The following INTS12 variants were observed in gnomAD, a reference collection of about 807,000 sequenced individuals.
INTS12 encodes the protein PHD finger protein 22.
Under a neutral mutation model 41.6 loss-of-function variants are expected in INTS12, and 13 were observed. The observed-to-expected ratio is 0.31, with a 90% CI of 0.20 to 0.50. The LOEUF (loss-of-function observed/expected upper bound fraction) is 0.50, where lower values mean the gene tolerates loss of function less well. Ranked by LOEUF, INTS12 falls within the 20% of genes least tolerant of loss-of-function variation. The probability of loss-of-function intolerance (pLI) is 0.98; values close to 1 mark genes in which losing one functional copy is unlikely to be tolerated. For synonymous variants in INTS12, 199 were observed against 191.4 expected, an observed-to-expected ratio of 1.04 and a Z score of -0.33; for missense variants, 432 against 541.6, an observed-to-expected ratio of 0.80 and a Z score of 2.01.
chr4:105,692,023 G>A lies in INTS12; in HGVS notation c.610C>T (p.Arg204Cys), dbSNP rs772103293. 2 of 1,608,778 alleles carry A rather than the reference G, an allele frequency of 1.2e-6. No individual in the cohort carries two copies. Among genetic ancestry groups the A allele is most frequent in the Non-Finnish European group, 1.7e-6 (2 of 1,177,666 alleles). Reference sequence around the variant, plus strand: ...CATCGGGCACAATACCACACCAGGCGAGGGTCATTCGCTTCCTTGTCTGTC... The same window carrying A: ...CATCGGGCACAATACCACACCAGGCAAGGGTCATTCGCTTCCTTGTCTGTC... ...QVTDKEANDP[R>C]LVWYCARCTR... Residue 204 changes from arginine (R) to cysteine (C), a missense_variant, in exon 6 of 8, where the codon CGC (arginine) becomes TGC (cysteine). Physicochemically the swap from Arg to Cys is radical, Grantham distance 180 (BLOSUM62 -3). Around this residue, in one of 3 missense-constraint regions of INTS12, gnomAD observed 258 missense variants for 309.9 expected, o/e 0.83. Coordinates refer to ENST00000340139, the MANE Select transcript of INTS12 (RefSeq NM_020395.4).
rs759195590 is a variant in INTS12 at position 105,683,014 on chromosome 4, T to C, written c.1108A>G (p.Lys370Glu). The change falls in exon 8 of 8, where the codon AAA becomes GAA. Residue 370 changes from lysine to glutamate, a missense_variant. By Grantham distance (56) the Lys-to-Glu change is moderately conservative. This residue lies in a region of INTS12 where 258 missense variants were observed against 309.9 expected (regional missense o/e 0.83). Coordinates refer to ENST00000340139, the MANE Select transcript of INTS12 (RefSeq NM_020395.4). Reference sequence around the variant, plus strand: ...CTAACTGAGCGACTAAGGCCAGTTTTACCCAAGGTTAGAGGTGGAGGTGGT... The same window carrying C: ...CTAACTGAGCGACTAAGGCCAGTTTCACCCAAGGTTAGAGGTGGAGGTGGT... Reference protein sequence around the residue: ...LKPPPPLTLGKTGLSRSVSCD... With the variant: ...LKPPPPLTLGETGLSRSVSCD... The C allele has an allele frequency of 3.1e-6, 5 of 1,614,170 alleles. No homozygotes were observed. In the Admixed American group the frequency reaches 8.3e-5, roughly 27 times the overall value.
rs138554330 is a variant in INTS12 at position 105,683,266 on chromosome 4, C to T, written c.856G>A (p.Val286Ile). 95 of 1,613,758 alleles carry T rather than the reference C, an allele frequency of 5.9e-5. No homozygotes were observed. The highest frequency in any genetic ancestry group is 5.3e-5 in the Non-Finnish European group (62 of 1,179,900). ...GCCCATCCAGTTAAGCCACTAGTTACTGACGAGGAAACGCTGGCACTAGAA... is the reference window on the plus strand; with the variant it reads ...GCCCATCCAGTTAAGCCACTAGTTATTGACGAGGAAACGCTGGCACTAGAA... ...NSSSASVSSS[V>I]TSGLTGWAAF... The change falls in exon 8 of 8, where the codon GTA (valine) becomes ATA (isoleucine). Residue 286 changes from valine to isoleucine, a missense_variant. Transcript: ENST00000340139.
intron 5 of INTS12, 142 bp from the exon 6 acceptor site, chr4:105,692,277 A>G: frequency 2.9e-6 from 2 of 699,282 alleles, no homozygotes; most frequent in Non-Finnish European, 4.7e-6. Context: ...TGAAGTCAGG[A>G]GTTCAAGACC....
At chr4:105,703,141 T>A (rs1732142329) in intron 2 of INTS12, 1 of 330,478 alleles carries the variant, frequency 3.0e-6, no homozygotes, top group Non-Finnish European at 4.3e-6. Flanking sequence ...AAGAGCCATA[T>A]CATTCTTACT....
chr4:105,686,593 A>C (rs1731505353), intron 7 of INTS12, 99 bp downstream of exon 7: 1 of 793,430 alleles, frequency 1.3e-6, no homozygotes, highest in African/African-American at 1.8e-5. Flanking sequence ...ATAGCCATTT[A>C]GTATATAAAG....
intron 2 of INTS12, chr4:105,702,819 G>A: frequency 1.1e-6 from 1 of 900,878 alleles, no homozygotes; most frequent in Non-Finnish European, 1.3e-6. Flanking sequence ...GAAAACAGTA[G>A]TTGAACCTAA....
chr4:105,687,660 C>G (rs1395730030), intron 6 of INTS12, among the ~76,000 whole-genome samples: 1 of 152,154 alleles, frequency 6.6e-6, no homozygotes, highest in Non-Finnish European at 1.5e-5. Context: ...AACCCAGCAA[C>G]TGGCTGGGTG....
rs760708236 is a variant in INTS12, at chr4:105,699,891, A to C, written c.115T>G (p.Leu39Val). ...TAACTGGAATCAATGCCCCGAGCCA[A>C]AGATTCATCAAGCAGTGCTTTTAGC... is the stretch of plus-strand genomic sequence containing the variant. Reference protein sequence around the residue: ...EKLKALLDESLARGIDSSYRP... With the variant: ...EKLKALLDESVARGIDSSYRP... The change falls in exon 3 of 8, where the codon TTG becomes GTG. Residue 39 changes from leucine to valine, a missense_variant. By Grantham distance (32) the Leu-to-Val change is conservative (BLOSUM62 1). Coordinates refer to ENST00000340139, the MANE Select transcript of INTS12 (RefSeq NM_020395.4). The C allele has an allele frequency of 2.6e-6, 4 of 1,549,930 alleles. No homozygotes were observed. The highest frequency in any genetic ancestry group is 3.4e-5 in the Admixed American group (2 of 58,230).
rs559213510 is a variant in INTS12 at position 105,698,575 on chromosome 4, T to C, written c.156+1275A>G. On this transcript the variant is annotated intron_variant, in intron 3 of 7. Transcript: ENST00000340139. ...AACAATTTTTTTTCTTTAGTAATAATAGGTTTCCCTATCTGGACAATACCA... is the reference window on the plus strand; with the variant it reads ...AACAATTTTTTTTCTTTAGTAATAACAGGTTTCCCTATCTGGACAATACCA... 4.9e-4 allele frequency among the ~76,000 whole-genome samples: 75 copies of C among 152,308 alleles called. No homozygotes were observed. In the South Asian group the frequency reaches 0.015, roughly 31 times the overall value.
At chr4:105,695,048 G>A (rs918227021) in intron 4 of INTS12, among the ~76,000 whole-genome samples, 6 of 69,982 alleles carry the variant, frequency 8.6e-5, no homozygotes, top group Admixed American at 1.7e-4. Context: ...CCCCCCACCC[G>A]CCCACAAACA....
Position 105,693,313 on chromosome 4 carries a change from G to A in INTS12, c.483C>T (p.Ala161=), listed in dbSNP as rs61732560. Residue 161 remains alanine, a synonymous_variant, in exon 5 of 8, where the codon GCC becomes GCT. Coordinates refer to ENST00000340139, the MANE Select transcript of INTS12 (RefSeq NM_020395.4). ...ADDFAMEMGL[A]CVVCRQMMVA... Reference sequence around the variant, plus strand: ...GTACAACTTACCTACAAACAACGCAGGCCAATCCCATCTCCATGGCAAAAT... The same window carrying A: ...GTACAACTTACCTACAAACAACGCAAGCCAATCCCATCTCCATGGCAAAAT... 5.0e-4 allele frequency: 810 copies of A among 1,606,820 alleles called. 1 individual carries two copies. The highest frequency in any genetic ancestry group is 6.7e-4 in the Non-Finnish European group (792 of 1,175,074).
intron 6 of INTS12, among the ~76,000 whole-genome samples, chr4:105,687,918 C>T (rs1400443469): frequency 6.6e-6 from 1 of 151,936 alleles, no homozygotes; most frequent in African/African-American, 2.4e-5. Context: ...GCACCACTGC[C>T]CTCCAGCCTG....
chr4:105,684,487 A>C (rs1354055258), intron 7 of INTS12, among the ~76,000 whole-genome samples: 2 of 152,128 alleles, frequency 1.3e-5, no homozygotes, highest in Admixed American at 1.3e-4. Flanking sequence ...TCTTGAAATC[A>C]AGGTAGCCTT....
At chr4:105,688,912 T>C (rs1362640217) in intron 6 of INTS12, among the ~76,000 whole-genome samples, 8 of 152,236 alleles carry the variant, frequency 5.3e-5, no homozygotes. Context: ...TTTAGGGAAC[T>C]AGGATATAAT....
intron 6 of INTS12, among the ~76,000 whole-genome samples, chr4:105,691,550 C>T (rs1480528118): frequency 6.6e-6 from 1 of 152,144 alleles, no homozygotes; most frequent in African/African-American, 2.4e-5. Flanking sequence ...ATATAAATAT[C>T]GCCTCTGTAC....
intron 1 of INTS12, among the ~76,000 whole-genome samples, chr4:105,704,315 G>A (rs1732188673): frequency 6.6e-6 from 1 of 152,176 alleles, no homozygotes; most frequent in Admixed American, 6.5e-5. Context: ...AATTAAAAAT[G>A]AGTTCCTCAG....
In INTS12 at chr4:105,693,414, A is replaced by T. The variant is rs1453990477; in HGVS notation, c.382T>A (p.Ser128Thr). 1 of 1,613,786 alleles carries T rather than the reference A, an allele frequency of 6.2e-7. No homozygotes were observed. Among genetic ancestry groups the T allele is most frequent in the Non-Finnish European group, 8.5e-7 (1 of 1,179,830 alleles). ...TTGCTACTTTGGACAGTAATGGGAG[A>T]TGACTGTGTTTCTGGTTTCTCCAAT... ...PRLEKPETQS[S>T]PITVQSSKDL... The change falls in exon 5 of 8, where the codon TCT becomes ACT. Residue 128 changes from serine (S) to threonine (T), a missense_variant. Around this residue, in one of 3 missense-constraint regions of INTS12, gnomAD observed 168 missense variants for 198.9 expected, o/e 0.84. Transcript: ENST00000340139.
At chr4:105,701,161 G>A (rs1237548747) in intron 2 of INTS12, among the ~76,000 whole-genome samples, 1 of 150,218 alleles carries the variant, frequency 6.7e-6, no homozygotes, top group East Asian at 2.0e-4. Flanking sequence ...GGATTTTGTT[G>A]TCCCCTCCCC....
At chr4:105,691,252 A>G (rs1308957444) in intron 6 of INTS12, among the ~76,000 whole-genome samples, 1 of 152,180 alleles carries the variant, frequency 6.6e-6, no homozygotes, top group Non-Finnish European at 1.5e-5. Flanking sequence ...GAGAGATGGA[A>G]GTGGGAGGGA....
Sources: gnomAD v4.1 joint callset for allele counts (sites outside exome capture counted in the v4.1 genomes callset) on GRCh38, gnomAD v4.1.1 for gene constraint, gnomAD v4.1.1 regional missense constraint, MANE v1.5 for transcripts, NCBI Gene and HGNC (gene_info 2026-07-23, HGNC 2026-07-21) for gene names.